Variants in NOTCH1 observed in about 807,000 individuals in gnomAD.
NOTCH1 encodes the protein notch receptor 1.
In NOTCH1, 37 loss-of-function variants were observed where a neutral mutation model predicts 254.8. The ratio of observed to expected loss-of-function variants is 0.15; its 90% CI spans 0.11 to 0.19. NOTCH1 has a LOEUF of 0.19. Ranked by LOEUF, NOTCH1 falls within the 10% of genes least tolerant of loss-of-function variation. The pLI, the probability that NOTCH1 is intolerant of heterozygous loss-of-function variation, is 1.00. For missense variants in NOTCH1, 2,972 were observed against 3,708.6 expected (o/e 0.80, Z 5.16); for synonymous variants, 1,731 against 1,618.1 (o/e 1.07, Z -1.68).
At chr9:136,515,255 C>T (rs767583362) in intron 12 of NOTCH1, 35 bp downstream of exon 12, 1 of 1,590,528 alleles carries the variant, frequency 6.3e-7, no homozygotes, top group Admixed American at 1.7e-5. Flanking sequence ...CCTCTGAGCA[C>T]AGTGCAGTCA....
rs757066417 is a variant in NOTCH1, at chr9:136,515,639, C to T, written c.1747G>A (p.Gly583Ser). Reference sequence around the variant, plus strand: ...CAGAGGCAGGTGAAGGTGGCGACGCCGTCCTTGCAGGAGCCGTAGTGGCAG... The same window carrying T: ...CAGAGGCAGGTGAAGGTGGCGACGCTGTCCTTGCAGGAGCCGTAGTGGCAG... Reference protein sequence around the residue: ...DPCHYGSCKDGVATFTCLCRP... With the variant: ...DPCHYGSCKDSVATFTCLCRP... Residue 583 changes from glycine to serine, a missense_variant, in exon 11 of 34, where the codon GGC becomes AGC. Transcript: ENST00000651671. 33 of 1,598,180 alleles carry T rather than the reference C, an allele frequency of 2.1e-5. No individual in the cohort carries two copies. Among genetic ancestry groups the T allele is most frequent in the South Asian group, 1.6e-4 (14 of 89,730 alleles).
chr9:136,535,990 T>TG (rs1161872482), intron 2 of NOTCH1, among the ~76,000 whole-genome samples: 2 of 14,844 alleles, frequency 1.3e-4, no homozygotes, highest in African/African-American at 2.3e-4. Flanking sequence ...GCATGGTGGG[T>TG]GGGGGGGAGC....
intron 4 of NOTCH1, 78 bp downstream of exon 4, chr9:136,522,772 A>G: frequency 7.4e-7 from 1 of 1,353,024 alleles, no homozygotes; most frequent in South Asian, 1.5e-5. Flanking sequence ...CTGCCCCTAC[A>G]CCAGGCGCCC....
intron 2 of NOTCH1, among the ~76,000 whole-genome samples, chr9:136,526,979 C>T (rs984026256): frequency 1.3e-5 from 2 of 152,210 alleles, no homozygotes; most frequent in South Asian, 4.1e-4. Context: ...TCGGACACCA[C>T]AGGGAAGGCC....
chr9:136,512,478 G>A (rs911288418), intron 15 of NOTCH1, among the ~76,000 whole-genome samples: 7 of 152,180 alleles, frequency 4.6e-5, no homozygotes, highest in Non-Finnish European at 1.0e-4. Flanking sequence ...AGCAGGGGCT[G>A]GACAGTTGGG....
In NOTCH1 at chr9:136,505,393, A is replaced by G; in HGVS notation, c.4503T>C (p.Ser1501=). 1 of 1,612,186 alleles carries G rather than the reference A, an allele frequency of 6.2e-7. No homozygotes were observed. Among genetic ancestry groups the G allele is most frequent in the South Asian group, 1.1e-5 (1 of 91,008 alleles). The change falls in exon 25 of 34, where the codon AGT becomes AGC. Residue 1501 remains serine, a synonymous_variant. Transcript: ENST00000651671. ...TQSLQCWKYF[S]DGHCDSQCNS... ...TGCACTGGCTGTCACAGTGGCCGTC[A>G]CTGAAGTACTTCCAGCACTGCAGAG...
At chr9:136,502,801 A>G (rs1843020010) in intron 27 of NOTCH1, 1 of 564,738 alleles carries the variant, frequency 1.8e-6, no homozygotes, top group Non-Finnish European at 3.2e-6. Flanking sequence ...ATTTAGAGGG[A>G]TTTTCAAGAT....
intron 32 of NOTCH1, 27 bp from the exon 33 acceptor site, chr9:136,499,023 G>A: frequency 6.2e-7 from 1 of 1,612,924 alleles, no homozygotes; most frequent in South Asian, 1.1e-5. Flanking sequence ...GATGGGGTAG[G>A]TTGGAGACCA....
chr9:136,498,542 CAGA>C (rs1842950554), intron 33 of NOTCH1, among the ~76,000 whole-genome samples: 1 of 152,200 alleles, frequency 6.6e-6, no homozygotes. Flanking sequence ...CAGCTGGGGA[CAGA>C]AGGTGAGGTC....
Position 136,515,420 on chromosome 9 carries a change from C to A in NOTCH1, c.1904-20G>T, listed in dbSNP as rs762328294. On this transcript the variant is annotated intron_variant, in intron 11 of 33. Transcript: ENST00000651671. ...TGGGTCCTGAAGGGGTGGCACGTGT[C>A]GGTCAGTCCTCAGGCCCGCCCTGCC... The A allele has an allele frequency of 1.2e-6, 2 of 1,612,488 alleles. No individual in the cohort carries two copies. Among genetic ancestry groups the A allele is most frequent in the Non-Finnish European group, 1.7e-6 (2 of 1,179,724 alleles).
Position 136,515,511 on chromosome 9 carries a change from G to A in NOTCH1, c.1875C>T (p.Tyr625=), listed in dbSNP as rs758336602. The part of the protein sequence containing the change: ...GGTCQDRDNA[Y]LCFCLKGTTG... Reference sequence around the variant, plus strand: ...TGGTCCCCTTCAGGCAGAAGCAGAGGTAGGCGTTGTCGCGGTCCTGGCAGG... The same window carrying A: ...TGGTCCCCTTCAGGCAGAAGCAGAGATAGGCGTTGTCGCGGTCCTGGCAGG... The change falls in exon 11 of 34, where the codon TAC becomes TAT. Residue 625 remains tyrosine (Y), a synonymous_variant. Coordinates refer to ENST00000651671, the MANE Select transcript of NOTCH1 (RefSeq NM_017617.5). 2 of 1,612,004 alleles carry A rather than the reference G, an allele frequency of 1.2e-6. No homozygotes were observed. The highest frequency in any genetic ancestry group is 2.2e-5 in the East Asian group (1 of 44,862).
At chr9:136,536,408 C>G (rs2133396396) in intron 2 of NOTCH1, among the ~76,000 whole-genome samples, 1 of 152,322 alleles carries the variant, frequency 6.6e-6, no homozygotes, top group Admixed American at 6.5e-5. Context: ...TAGCCAGTCA[C>G]TCTAAGCTGA....
chr9:136,514,676 C>T lies in NOTCH1; in HGVS notation c.2041G>A (p.Glu681Lys), dbSNP rs2133361207. Reference sequence around the variant, plus strand: ...TTGTGGCAGGGGTTGCCCGCACACTCATCGATGTTGATGTTACACATGCTC... The same window carrying T: ...TTGTGGCAGGGGTTGCCCGCACACTTATCGATGTTGATGTTACACATGCTC... ...TGSMCNINID[E>K]CAGNPCHNGG... is the part of the protein sequence containing the mutation. Residue 681 changes from glutamate (E) to lysine (K), a missense_variant, in exon 13 of 34, where the codon GAG (glutamate) becomes AAG (lysine). Physicochemically the swap from Glu to Lys is moderately conservative, Grantham distance 56. Transcript: ENST00000651671. 1 of 1,612,532 alleles carries T rather than the reference C, an allele frequency of 6.2e-7. No individual in the cohort carries two copies. Among genetic ancestry groups the T allele is most frequent in the Non-Finnish European group, 8.5e-7 (1 of 1,179,902 alleles).
chr9:136,499,474 C>T (rs1842964643), intron 31 of NOTCH1, among the ~76,000 whole-genome samples: 1 of 152,238 alleles, frequency 6.6e-6, no homozygotes, highest in Non-Finnish European at 1.5e-5. Flanking sequence ...CAGACAGGCC[C>T]CTTGGTGACA....
Position 136,503,337 on chromosome 9 carries a change from G to A in NOTCH1, c.5019-7C>T, listed in dbSNP as rs778742802. 3.8e-5 allele frequency: 62 copies of A among 1,612,510 alleles called. No homozygotes were observed. The highest frequency in any genetic ancestry group is 1.6e-4 in the East Asian group (7 of 44,898). ...CTCCAGGTAGACGATGGAGCTGGGC[G>A]GACAATCAGAGAGGGGCTGGGACCC... On this transcript the variant is annotated splice_polypyrimidine_tract_variant and splice_region_variant and intron_variant, in intron 26 of 33. Transcript: ENST00000651671.
At chr9:136,516,432 G>C (rs906785340) in intron 9 of NOTCH1, among the ~76,000 whole-genome samples, 2 of 152,224 alleles carry the variant, frequency 1.3e-5, no homozygotes, top group Non-Finnish European at 2.9e-5. Context: ...GCTTGGGCTG[G>C]CAACGCCTCC....
chr9:136,511,522 G>A (rs572166505), intron 15 of NOTCH1, among the ~76,000 whole-genome samples: 3 of 152,306 alleles, frequency 2.0e-5, no homozygotes, highest in African/African-American at 7.2e-5. Context: ...CCTCATTCCC[G>A]GTTGGCAGCG....
Position 136,515,345 on chromosome 9 carries a change from G to A in NOTCH1, c.1959C>T (p.Gly653=), listed in dbSNP as rs776402525. 1 of 1,613,062 alleles carries A rather than the reference G, an allele frequency of 6.2e-7. No individual in the cohort carries two copies. The highest frequency in any genetic ancestry group is 1.1e-5 in the South Asian group (1 of 91,082). ...AGCCATCGATCTTGTCCAGACAGGT[G>A]CCCGAGTCGCAGGGGCTGCTGGCAC... The part of the protein sequence containing the change: ...DDCASSPCDS[G]TCLDKIDGYE... Residue 653 remains glycine (G), a synonymous_variant, in exon 12 of 34, where the codon GGC becomes GGT. Coordinates refer to ENST00000651671, the MANE Select transcript of NOTCH1 (RefSeq NM_017617.5).
At chr9:136,500,937 GC>G in intron 30 of NOTCH1, 90 bp from the exon 31 acceptor site, 1 of 1,418,412 alleles carries the variant, frequency 7.1e-7, no homozygotes. Context: ...AGCTCAAGGG[GC>G]CACGGTGTGG....
Sources: gnomAD v4.1 joint callset for allele counts (sites outside exome capture counted in the v4.1 genomes callset) on GRCh38, gnomAD v4.1.1 for gene constraint, MANE v1.5 for transcripts, NCBI Gene and HGNC (gene_info 2026-07-23, HGNC 2026-07-21) for gene names.